ROBO2: variants seen among roughly 807,000 people sequenced by gnomAD.
The protein encoded by ROBO2 is roundabout guidance receptor 2, also known as roundabout homolog 2.
ROBO2 carries 53 observed loss-of-function variants against 160.8 expected under a neutral mutation model. The observed-to-expected ratio is 0.33, with a 90% CI of 0.26 to 0.41. The LOEUF (loss-of-function observed/expected upper bound fraction) is 0.41, where lower values mean the gene tolerates loss of function less well. ROBO2 is among the 10% of genes least tolerant of loss of function. The pLI is 1.00. For missense variants in ROBO2, 1,577 were observed against 1,722.4 expected (o/e 0.92, Z 1.49); for synonymous variants, 664 against 611.7 (o/e 1.09, Z -1.26).
chr3:77,009,245 C>T (rs2061740018), intron 2 of ROBO2, among the ~76,000 whole-genome samples: 1 of 152,146 alleles, frequency 6.6e-6, no homozygotes, highest in Non-Finnish European at 1.5e-5. Context: ...TGAATATTTA[C>T]CCTCATTCCA....
chr3:76,243,928 C>CT (rs201141700), intron 2 of ROBO2, among the ~76,000 whole-genome samples: 4,928 of 150,902 alleles, frequency 0.033, 110 homozygotes, highest in Non-Finnish European at 0.048. Context: ...AAGTTTTTTT[C>CT]TTTTTTTTTA....
Position 76,091,003 on chromosome 3 carries a change from A to G in ROBO2, c.109+153401A>G, listed in dbSNP as rs1056768987. 6.6e-5 allele frequency among the ~76,000 whole-genome samples: 10 copies of G among 152,346 alleles called. No homozygotes were observed. In the East Asian group the frequency reaches 1.9e-3, roughly 29 times the overall value. On this transcript the variant is annotated intron_variant, in intron 2 of 26. Coordinates refer to the ROBO2 transcript ENST00000487694. ...TAAAACACAAAACTACGAAGCTCCTAGAAGATAGCATAGGAGAAAATCTGT... is the reference window on the plus strand; with the variant it reads ...TAAAACACAAAACTACGAAGCTCCTGGAAGATAGCATAGGAGAAAATCTGT...
intron 2 of ROBO2, among the ~76,000 whole-genome samples, chr3:77,249,644 TTA>T (rs1351194090): frequency 6.6e-6 from 1 of 152,094 alleles, no homozygotes; most frequent in Non-Finnish European, 1.5e-5. Flanking sequence ...TTTAAAAATG[TTA>T]TAGTTGCCCA....
chr3:76,287,214 G>A (rs1576269487), intron 2 of ROBO2, among the ~76,000 whole-genome samples: 1 of 152,084 alleles, frequency 6.6e-6, no homozygotes, highest in Non-Finnish European at 1.5e-5. Flanking sequence ...ACTAGGCCTT[G>A]AGGAGGCACT....
At chr3:76,541,972 A>G (rs1264375949) in intron 2 of ROBO2, among the ~76,000 whole-genome samples, 1 of 152,104 alleles carries the variant, frequency 6.6e-6, no homozygotes, top group Non-Finnish European at 1.5e-5. Flanking sequence ...GATTTCTTTC[A>G]TCTCAGCACT....
intron 2 of ROBO2, among the ~76,000 whole-genome samples, chr3:76,108,256 T>A (rs2070039279): frequency 6.6e-6 from 1 of 152,120 alleles, no homozygotes; most frequent in Non-Finnish European, 1.5e-5. Flanking sequence ...AACTTTTTGC[T>A]CATCTTATAA....
intron 2 of ROBO2, among the ~76,000 whole-genome samples, chr3:77,354,871 G>A (rs7432009): frequency 0.31 from 47,665 of 152,048 alleles, 7,951 homozygotes; most frequent in Non-Finnish European, 0.38. Context: ...CAGATGTCAG[G>A]CAGAGCCTTA....
chr3:77,563,871 G>T lies in ROBO2; in HGVS notation c.1682+542G>T, dbSNP rs1046557642. 1.8e-4 allele frequency among the ~76,000 whole-genome samples: 27 copies of T among 152,048 alleles called. 1 individual carries two copies. The highest frequency in any genetic ancestry group is 7.4e-5 in the Non-Finnish European group (5 of 67,998). ...GTGCTTCTAGTTGCTTAATGGAAAAGATGTTTCCACGTGTTATCTGAAATA... is the reference window on the plus strand; with the variant it reads ...GTGCTTCTAGTTGCTTAATGGAAAATATGTTTCCACGTGTTATCTGAAATA... On this transcript the variant is annotated intron_variant, in intron 11 of 25. Coordinates refer to ENST00000461745, the Ensembl canonical transcript of ROBO2.
chr3:76,914,415 A>T (rs2076185271), intron 2 of ROBO2, among the ~76,000 whole-genome samples: 1 of 152,134 alleles, frequency 6.6e-6, no homozygotes, highest in South Asian at 2.1e-4. Context: ...GAAATAGGAA[A>T]GTTTAGTCTC....
intron 2 of ROBO2, among the ~76,000 whole-genome samples, chr3:77,164,436 TG>T (rs1324402946): frequency 1.2e-5 from 1 of 80,530 alleles, no homozygotes; most frequent in African/African-American, 5.0e-5. Flanking sequence ...GGGAGGGAGG[TG>T]GGGGGGTCAG....
chr3:77,057,178 G>A (rs2065837779), intron 1 of ROBO2, among the ~76,000 whole-genome samples: 1 of 152,072 alleles, frequency 6.6e-6, no homozygotes, highest in Non-Finnish European at 1.5e-5. Context: ...GGATGAAGCT[G>A]GAAACCATTA....
chr3:77,120,309 T>C (rs1348766583), intron 2 of ROBO2, among the ~76,000 whole-genome samples: 1 of 152,172 alleles, frequency 6.6e-6, no homozygotes, highest in Non-Finnish European at 1.5e-5. Context: ...TAACTTTACT[T>C]TGATGACCTA....
chr3:76,727,285 A>C (rs541165034), intron 2 of ROBO2, among the ~76,000 whole-genome samples: 1 of 152,326 alleles, frequency 6.6e-6, no homozygotes, highest in East Asian at 1.9e-4. Context: ...AATGATCTTA[A>C]GTAAGGAAAT....
chr3:76,701,563 T>G (rs1223772400), intron 2 of ROBO2, among the ~76,000 whole-genome samples: 1 of 152,074 alleles, frequency 6.6e-6, no homozygotes, highest in Non-Finnish European at 1.5e-5. Context: ...TGTTCAAGGC[T>G]TGCTCTTGAA....
chr3:77,420,621 G>A (rs1393992174), intron 2 of ROBO2, among the ~76,000 whole-genome samples: 2 of 152,090 alleles, frequency 1.3e-5, no homozygotes, highest in African/African-American at 2.4e-5. Flanking sequence ...TACCAAATGT[G>A]TTGTCTGTCA....
chr3:76,611,271 C>A (rs1375939044), intron 2 of ROBO2, among the ~76,000 whole-genome samples: 1 of 152,104 alleles, frequency 6.6e-6, no homozygotes, highest in African/African-American at 2.4e-5. Flanking sequence ...CCCTGTCTGC[C>A]TAGGAATTTG....
intron 2 of ROBO2, among the ~76,000 whole-genome samples, chr3:76,119,963 T>TTCCTTCCG (rs1559566913): frequency 3.6e-5 from 5 of 140,342 alleles, no homozygotes; most frequent in Non-Finnish European, 7.7e-5. Flanking sequence ...CCTTCCTTCC[T>TTCCTTCCG]TCCTTCCTTC....
chr3:77,120,604 A>G (rs77012935), intron 2 of ROBO2, among the ~76,000 whole-genome samples: 12,165 of 152,244 alleles, frequency 0.08, 746 homozygotes, highest in East Asian at 0.23. Context: ...GCAGTTGCAA[A>G]GATAAAATTC....
chr3:77,057,435 A>C (rs2065866254), intron 1 of ROBO2, among the ~76,000 whole-genome samples: 1 of 152,066 alleles, frequency 6.6e-6, no homozygotes, highest in Non-Finnish European at 1.5e-5. Flanking sequence ...TGTTGTGCAC[A>C]TGTACCCTAG....
Sources: allele counts gnomAD v4.1 joint callset (sites outside exome capture counted in the v4.1 genomes callset), GRCh38; gene constraint gnomAD v4.1.1; transcripts MANE v1.5; gene names NCBI Gene and HGNC (gene_info 2026-07-23, HGNC 2026-07-21).